Variants in MEF2D observed in about 807,000 individuals in gnomAD.
MEF2D encodes myocyte enhancer factor 2D, also known as myocyte-specific enhancer factor 2D.
MEF2D carries 10 observed loss-of-function variants against 59.3 expected under a neutral mutation model. The observed-to-expected ratio is 0.17, with a 90% CI of 0.10 to 0.29. The LOEUF (loss-of-function observed/expected upper bound fraction) is 0.29, where lower values mean the gene tolerates loss of function less well. Among genes scored for constraint, MEF2D ranks in the 10% least tolerant of loss-of-function variants. The pLI, the probability that MEF2D is intolerant of heterozygous loss-of-function variation, is 1.00. For synonymous variants in MEF2D, 305 were observed against 295.0 expected (o/e 1.03, Z -0.35); for missense variants, 508 against 699.4 (o/e 0.73, Z 3.09).
At chr1:156,497,397 G>C (rs763624139) in intron 1 of MEF2D, among the ~76,000 whole-genome samples, 1 of 152,160 alleles carries the variant, frequency 6.6e-6, no homozygotes, top group Non-Finnish European at 1.5e-5. Flanking sequence ...AGAGAGCCTC[G>C]AGAGTCCCAG....
intron 4 of MEF2D, 195 bp downstream of exon 4, chr1:156,480,639 T>C (rs970048991): frequency 7.1e-6 from 11 of 1,547,548 alleles, no homozygotes; most frequent in African/African-American, 1.4e-5. Context: ...ATGCGACTAC[T>C]CACGGCCAGT....
chr1:156,469,072 C>A, intron 9 of MEF2D, 52 bp from the exon 10 acceptor site: 2 of 1,549,720 alleles, frequency 1.3e-6, no homozygotes, highest in Non-Finnish European at 1.8e-6. Context: ...AGCACACAGG[C>A]TCCTATGAGG....
chr1:156,466,297 C>CA lies in MEF2D; in HGVS notation c.*1347dup, dbSNP rs1169509669. On this transcript the variant is annotated 3_prime_UTR_variant, in exon 12 of 12. Transcript: ENST00000348159. The stretch of plus-strand genomic sequence containing the variant: ...ATCTCATTTCATATCAATACAACAA[C>CA]AACAAAAAAAAACAGTTTCCTGGAC... 1 of 149,058 alleles carries CA rather than the reference C, an allele frequency of 6.7e-6. No individual in the cohort carries two copies. Among genetic ancestry groups the CA allele is most frequent in the African/African-American group, 2.6e-5 (1 of 38,314 alleles). 9.2% of individuals were successfully genotyped at this position (149,058 alleles called of 1,614,324 possible). A position where few individuals can be genotyped will look rare whatever the true frequency, so the allele number is the denominator to read the frequency against.
chr1:156,488,794 G>C (rs1273812808), intron 1 of MEF2D, among the ~76,000 whole-genome samples: 1 of 152,188 alleles, frequency 6.6e-6, no homozygotes, highest in Non-Finnish European at 1.5e-5. Context: ...GTGAAGGGGA[G>C]AGGTCAGGGT....
chr1:156,475,291 T>C, intron 8 of MEF2D, 54 bp from the exon 9 acceptor site: 4 of 1,523,156 alleles, frequency 2.6e-6, no homozygotes, highest in Non-Finnish European at 3.5e-6. Flanking sequence ...CAGCTTTATG[T>C]TGGCCCTCCA....
In MEF2D at chr1:156,474,359, G is replaced by T. The variant is rs558727940; in HGVS notation, c.1006+749C>A. On this transcript the variant is annotated intron_variant, in intron 9 of 11. Coordinates refer to ENST00000348159, the MANE Select transcript of MEF2D (RefSeq NM_005920.4). ...AGCTACTCAGGAGGCTGAGGCATGA[G>T]AATCACCTGAACCCAGGAAGAAGAG... 3.3e-5 allele frequency among the ~76,000 whole-genome samples: 5 copies of T among 152,266 alleles called. No homozygotes were observed. The South Asian group carries it at 8.3e-4, about 25-fold the overall frequency.
Position 156,482,488 on chromosome 1 carries a change from G to A in MEF2D, c.207C>T (p.Tyr69=), listed in dbSNP as rs1441487835. The A allele has an allele frequency of 6.2e-7, 1 of 1,614,226 alleles. No individual in the cohort carries two copies. Among genetic ancestry groups the A allele is most frequent in the Non-Finnish European group, 8.5e-7 (1 of 1,180,038 alleles). Residue 69 remains tyrosine (Y), a synonymous_variant, in exon 3 of 12, where the codon TAC becomes TAT. Coordinates refer to ENST00000348159, the MANE Select transcript of MEF2D (RefSeq NM_005920.4). ...STDMDKVLLK[Y]TEYNEPHESR... ...TCTCGTGTGGCTCATTGTACTCCGT[G>A]TACTTGAGCAGCACCTTGTCCATGT... is the stretch of plus-strand genomic sequence containing the variant.
intron 1 of MEF2D, among the ~76,000 whole-genome samples, chr1:156,497,164 G>A (rs1444151704): frequency 6.6e-6 from 1 of 152,226 alleles, no homozygotes; most frequent in African/African-American, 2.4e-5. Context: ...AATACAGTCA[G>A]ACGTCCAGCT....
chr1:156,476,374 AAACAGC>A, intron 8 of MEF2D, 114 bp downstream of exon 8: 1 of 1,228,034 alleles, frequency 8.1e-7, no homozygotes, highest in Non-Finnish European at 1.2e-6. Context: ...CTAAGCAAAG[AAACAGC>A]AACAGTTCAC....
intron 7 of MEF2D, 142 bp downstream of exon 7, chr1:156,476,870 T>C (rs1557881972): frequency 2.0e-6 from 2 of 1,025,046 alleles, no homozygotes; most frequent in Non-Finnish European, 2.8e-6. Flanking sequence ...AAAAATCTCA[T>C]AAAAAGCCAT....
chr1:156,482,753 G>A, intron 2 of MEF2D, 113 bp from the exon 3 acceptor site: 1 of 951,640 alleles, frequency 1.1e-6, no homozygotes, highest in South Asian at 1.5e-5. Context: ...CCCATTCTCA[G>A]TGTGACACAG....
Position 156,476,484 on chromosome 1 carries a change from C to A in MEF2D, c.876+10G>T. ...CAAAGCCACAGCAAAGAGCTCACAG[C>A]CTCACTTACCAGATCTAAATGGTCC... is the stretch of plus-strand genomic sequence containing the variant. On this transcript the variant is annotated intron_variant, in intron 8 of 11. Transcript: ENST00000348159. 1 of 1,611,746 alleles carries A rather than the reference C, an allele frequency of 6.2e-7. No homozygotes were observed. Among genetic ancestry groups the A allele is most frequent in the Non-Finnish European group, 8.5e-7 (1 of 1,179,038 alleles).
chr1:156,494,878 G>A (rs114786136), intron 1 of MEF2D, among the ~76,000 whole-genome samples: 4,911 of 152,244 alleles, frequency 0.032, 288 homozygotes, highest in African/African-American at 0.11. Context: ...GTGGGAGGGA[G>A]TCTCCCTCCA....
At chr1:156,488,146 G>C (rs1034500267) in intron 1 of MEF2D, among the ~76,000 whole-genome samples, 5 of 152,264 alleles carry the variant, frequency 3.3e-5, no homozygotes, top group African/African-American at 1.2e-4. Flanking sequence ...ACAGGACAAG[G>C]GTGGGGCGGA....
chr1:156,492,725 G>C (rs1026581872), intron 1 of MEF2D, among the ~76,000 whole-genome samples: 1 of 152,290 alleles, frequency 6.6e-6, no homozygotes, highest in South Asian at 2.1e-4. Flanking sequence ...CGGTTGGGAC[G>C]GTTAGTGTGT....
chr1:156,477,301 T>C lies in MEF2D; in HGVS notation c.665-99A>G, dbSNP rs1396809399. 3.8e-6 allele frequency: 4 copies of C among 1,056,734 alleles called. No individual in the cohort carries two copies. The African/African-American group carries it at 6.4e-5, about 17-fold the overall frequency. The allele number at this position is 1,056,734 out of a possible 1,614,324, so 65.5% of individuals were successfully genotyped here. A position where few individuals can be genotyped will look rare whatever the true frequency, so the allele number is the denominator to read the frequency against. ...CAATACTCCTGTTACCCGGAACCTCTCAAAGCCATGCTTAGGCTTTGAGTG... is the reference window on the plus strand; with the variant it reads ...CAATACTCCTGTTACCCGGAACCTCCCAAAGCCATGCTTAGGCTTTGAGTG... On this transcript the variant is annotated intron_variant, in intron 6 of 11. Coordinates refer to ENST00000348159, the MANE Select transcript of MEF2D (RefSeq NM_005920.4).
At chr1:156,488,269 C>A (rs74116853) in intron 1 of MEF2D, among the ~76,000 whole-genome samples, 8,132 of 152,242 alleles carry the variant, frequency 0.053, 421 homozygotes, top group African/African-American at 0.13. Context: ...CATATCTGTT[C>A]CCATCCTAGT....
At chr1:156,486,389 G>A (rs1049279759) in intron 1 of MEF2D, among the ~76,000 whole-genome samples, 1 of 152,226 alleles carries the variant, frequency 6.6e-6, no homozygotes, top group African/African-American at 2.4e-5. Context: ...AGGGCAAGGG[G>A]AGGGGGCTAC....
At chr1:156,483,194 G>A (rs1159780916) in intron 2 of MEF2D, 45 bp downstream of exon 2, 8 of 1,600,818 alleles carry the variant, frequency 5.0e-6, no homozygotes, top group Non-Finnish European at 6.8e-6. Flanking sequence ...GCAGAGGCCT[G>A]CTCCCTGCCC....
Sources: allele counts gnomAD v4.1 joint callset (sites outside exome capture counted in the v4.1 genomes callset), GRCh38; gene constraint gnomAD v4.1.1; transcripts MANE v1.5; gene names NCBI Gene and HGNC (gene_info 2026-07-23, HGNC 2026-07-21).